DMD: variants seen among roughly 807,000 people sequenced by gnomAD.
DMD encodes dystrophin, also known as mutant dystrophin.
In DMD, 63 loss-of-function variants were observed where a neutral mutation model predicts 330.1. The ratio of observed to expected loss-of-function variants is 0.19; its 90% confidence interval spans 0.16 to 0.24. The LOEUF is 0.24. Ranked by LOEUF, DMD falls within the 10% of genes least tolerant of loss-of-function variation. The pLI is 1.00. For synonymous variants in DMD, 1,223 were observed against 959.8 expected (o/e 1.27, Z -5.07); for missense variants, 3,344 against 2,684.1 (o/e 1.25, Z -5.43).
chrX:32,315,085 A>G (rs2097578474), intron 41 of DMD, among the ~76,000 whole-genome samples: 1 of 111,994 alleles, frequency 8.9e-6, no homozygotes, highest in African/African-American at 3.3e-5. Flanking sequence ...AGACACATGC[A>G]CACGTATGTT....
intron 59 of DMD, among the ~76,000 whole-genome samples, chrX:31,446,292 CA>C (rs1295935284): frequency 8.9e-6 from 1 of 111,998 alleles, no homozygotes; most frequent in African/African-American, 3.2e-5. Context: ...GTTAAGCAAT[CA>C]GGGGGTTTCT....
chrX:31,128,179 C>A lies in DMD; in HGVS notation c.11015-1506G>T, dbSNP rs1028655025. ...TAGCAAGGTTTTTTTAAAAAAGTAT[C>A]TTTATGTTTCATAATACTGTCTGGT... is the stretch of plus-strand genomic sequence containing the variant. On this transcript the variant is annotated intron_variant, in intron 77 of 78. Transcript: ENST00000357033. Among the ~76,000 whole-genome samples the A allele has an allele frequency of 4.5e-5, 5 of 111,681 alleles. No individual in the cohort carries two copies. In the Admixed American group the frequency reaches 4.8e-4, roughly 11 times the overall value.
chrX:31,826,418 A>G (rs930859892), intron 49 of DMD, among the ~76,000 whole-genome samples: 1 of 112,418 alleles, frequency 8.9e-6, no homozygotes, highest in Non-Finnish European at 1.9e-5. Flanking sequence ...CAATCTTGCT[A>G]CTTTTTCAAG....
intron 7 of DMD, among the ~76,000 whole-genome samples, chrX:32,728,282 G>A (rs1162134416): frequency 8.9e-6 from 1 of 111,910 alleles, no homozygotes; most frequent in Non-Finnish European, 1.9e-5. Context: ...AAGCAAGTCA[G>A]TATTACACGC....
At chrX:33,312,032 C>G (rs1207928089) in intron 1 of DMD, among the ~76,000 whole-genome samples, 1 of 109,024 alleles carries the variant, frequency 9.2e-6, no homozygotes, top group Non-Finnish European at 1.9e-5. Flanking sequence ...AGAATTTATT[C>G]TTCATAGAAC....
intron 1 of DMD, among the ~76,000 whole-genome samples, chrX:33,247,679 A>G (rs1343106700): frequency 8.9e-6 from 1 of 112,037 alleles, no homozygotes; most frequent in Admixed American, 9.5e-5. Flanking sequence ...TATTTGCACT[A>G]ACTACTTGTG....
intron 17 of DMD, among the ~76,000 whole-genome samples, chrX:32,526,670 T>G (rs1603635526): frequency 8.9e-6 from 1 of 111,981 alleles, no homozygotes; most frequent in Middle Eastern, 4.6e-3. Flanking sequence ...GATACCTGTG[T>G]ATATAAATGT....
chrX:32,407,196 G>A (rs1182005034), intron 30 of DMD, among the ~76,000 whole-genome samples: 26 of 111,230 alleles, frequency 2.3e-4, no homozygotes, highest in South Asian at 7.6e-4. Context: ...GCAACCTACA[G>A]AATGGGAGAA....
At chrX:32,646,018 A>C (rs547607935) in intron 9 of DMD, among the ~76,000 whole-genome samples, 1 of 111,601 alleles carries the variant, frequency 9.0e-6, no homozygotes, top group African/African-American at 3.3e-5. Context: ...GCAAGCAAGG[A>C]GGTCGATTAG....
In DMD at chrX:31,828,318, T is replaced by C. The variant is rs775479430; in HGVS notation, c.7201-8235A>G. Among the ~76,000 whole-genome samples the C allele has an allele frequency of 7.2e-5, 8 of 111,535 alleles. No homozygotes were observed. The East Asian group carries it at 2.2e-3, about 31-fold the overall frequency. ...AACTAGAAAATCTAGAGGAAATGGA[T>C]ACATTCCTGGAAACACACAACCCTC... On this transcript the variant is annotated intron_variant, in intron 49 of 78. Transcript: ENST00000357033.
At chrX:32,852,557 C>G (rs1157315107) in intron 2 of DMD, among the ~76,000 whole-genome samples, 1 of 111,224 alleles carries the variant, frequency 9.0e-6, no homozygotes, top group Non-Finnish European at 1.9e-5. Context: ...ACTAGCTCAA[C>G]CACAGTCAGG....
At chrX:33,277,937 AC>A (rs2053262440) in intron 1 of DMD, among the ~76,000 whole-genome samples, 1 of 110,556 alleles carries the variant, frequency 9.0e-6, no homozygotes, top group African/African-American at 3.3e-5. Context: ...CCCTGTCTAC[AC>A]AAAACAATTT....
chrX:33,008,848 G>GTGTATA (rs2093463288), intron 2 of DMD, among the ~76,000 whole-genome samples: 1 of 43,482 alleles, frequency 2.3e-5, no homozygotes, highest in Non-Finnish European at 5.5e-5. Context: ...ACACATATAT[G>GTGTATA]TATACGTGTA....
intron 62 of DMD, among the ~76,000 whole-genome samples, chrX:31,288,838 CTCAG>C (rs1476794115): frequency 1.3e-4 from 14 of 111,845 alleles, no homozygotes; most frequent in African/African-American, 4.6e-4. Flanking sequence ...TAGTGCTGCT[CTCAG>C]TCATTCAATT....
chrX:31,348,384 T>A, intron 61 of DMD, 172 bp downstream of exon 61: 2 of 510,367 alleles, frequency 3.9e-6, no homozygotes, highest in Non-Finnish European at 6.9e-6. Context: ...GCCTTCCTCT[T>A]CCTAACCTTC....
At chrX:31,393,865 T>C (rs987899477) in intron 60 of DMD, among the ~76,000 whole-genome samples, 2 of 112,086 alleles carry the variant, frequency 1.8e-5, no homozygotes, top group Non-Finnish European at 3.8e-5. Context: ...ATGAATAAAC[T>C]AGCGTTCTTA....
chrX:31,365,339 T>G (rs994901917), intron 60 of DMD, among the ~76,000 whole-genome samples: 2 of 111,584 alleles, frequency 1.8e-5, no homozygotes, highest in African/African-American at 6.5e-5. Flanking sequence ...TTTAAGATTA[T>G]AAAGTATGCC....
chrX:32,712,033 C>T (rs1328789085), intron 7 of DMD, among the ~76,000 whole-genome samples: 1 of 111,816 alleles, frequency 8.9e-6, no homozygotes, highest in African/African-American at 3.2e-5. Flanking sequence ...CAATGCCTGG[C>T]ATAAAGTATG....
chrX:31,258,967 T>C (rs2050245199), intron 63 of DMD, among the ~76,000 whole-genome samples: 1 of 109,825 alleles, frequency 9.1e-6, no homozygotes, highest in African/African-American at 3.3e-5. Context: ...AAAAGCAAGT[T>C]ATAAGACAGA....
Sources: gnomAD v4.1 joint callset for allele counts (sites outside exome capture counted in the v4.1 genomes callset) on GRCh38, gnomAD v4.1.1 for gene constraint, MANE v1.5 for transcripts, NCBI Gene and HGNC (gene_info 2026-07-23, HGNC 2026-07-21) for gene names.